Variants in KDM4C observed in about 807,000 individuals in gnomAD.
KDM4C encodes the protein lysine-specific demethylase 4C.
Under a neutral mutation model 129.3 loss-of-function variants are expected in KDM4C, and 81 were observed. That is an observed-to-expected ratio of 0.63 (90% CI 0.52 to 0.75). The LOEUF (loss-of-function observed/expected upper bound fraction) is 0.75, where lower values mean the gene tolerates loss of function less well. Ranked by LOEUF, KDM4C falls within the 30% of genes least tolerant of loss-of-function variation. KDM4C has a pLI of 0.00. For missense variants in KDM4C, 1,457 were observed against 1,304.0 expected, an observed-to-expected ratio of 1.12 and a Z score of -1.81; for synonymous variants, 573 against 456.1, an observed-to-expected ratio of 1.26 and a Z score of -3.26.
At chr9:6,918,524 G>A (rs1039874742) in intron 8 of KDM4C, among the ~76,000 whole-genome samples, 1 of 152,044 alleles carries the variant, frequency 6.6e-6, no homozygotes, top group East Asian at 1.9e-4. Flanking sequence ...CTTTTCTTTT[G>A]GGTATATACC....
intron 12 of KDM4C, among the ~76,000 whole-genome samples, chr9:7,002,175 G>A (rs1054023556): frequency 2.0e-5 from 3 of 152,210 alleles, no homozygotes; most frequent in Admixed American, 6.5e-5. Flanking sequence ...TTACAGGCAT[G>A]AGCCACCGCA....
At chr9:6,734,154 A>C (rs1428086726) in intron 1 of KDM4C, among the ~76,000 whole-genome samples, 4 of 152,158 alleles carry the variant, frequency 2.6e-5, no homozygotes, top group African/African-American at 9.7e-5. Flanking sequence ...TCTGACACAC[A>C]CAACTTAACA....
intron 4 of KDM4C, among the ~76,000 whole-genome samples, chr9:6,826,199 C>T (rs1392574889): frequency 2.7e-5 from 4 of 149,154 alleles, no homozygotes; most frequent in Admixed American, 6.6e-5. Flanking sequence ...TTGCTATGCT[C>T]GTACTAGGTG....
intron 17 of KDM4C, among the ~76,000 whole-genome samples, chr9:7,101,132 C>G (rs1241311112): frequency 6.6e-6 from 1 of 152,174 alleles, no homozygotes; most frequent in Non-Finnish European, 1.5e-5. Flanking sequence ...GCTTTCTTCC[C>G]TCTGTTGTCC....
chr9:6,920,596 A>G (rs1186920261), intron 8 of KDM4C, among the ~76,000 whole-genome samples: 1 of 152,144 alleles, frequency 6.6e-6, no homozygotes, highest in Non-Finnish European at 1.5e-5. Context: ...AGAAACTTGT[A>G]TATCATCCTG....
chr9:7,170,197 A>G (rs953038868), intron 21 of KDM4C: 1 of 1,235,876 alleles, frequency 8.1e-7, no homozygotes, highest in African/African-American at 1.5e-5. Context: ...GGAGCAAACA[A>G]AGATACCATC....
intron 8 of KDM4C, chr9:6,925,531 A>T (rs1822327890): frequency 1.1e-6 from 1 of 917,654 alleles, no homozygotes; most frequent in African/African-American, 1.8e-5. Flanking sequence ...CCTGGCATCA[A>T]GCAGTCCTCC....
intron 18 of KDM4C, among the ~76,000 whole-genome samples, chr9:7,111,705 G>C (rs959108832): frequency 6.6e-6 from 1 of 152,128 alleles, no homozygotes; most frequent in Non-Finnish European, 1.5e-5. Context: ...TCAGGTTTAC[G>C]GGGGAGTCAG....
At chr9:6,746,737 G>C (rs1421901507) in intron 1 of KDM4C, among the ~76,000 whole-genome samples, 4 of 150,534 alleles carry the variant, frequency 2.7e-5, no homozygotes, top group African/African-American at 7.3e-5. Context: ...GGCCAGGCGC[G>C]GTGGCTCACG....
intron 4 of KDM4C, among the ~76,000 whole-genome samples, chr9:6,847,359 C>G (rs946113843): frequency 1.3e-5 from 2 of 151,828 alleles, no homozygotes; most frequent in African/African-American, 4.8e-5. Flanking sequence ...TGTGATTGAA[C>G]TTCTATGAGG....
At chr9:7,019,925 A>G (rs1824481652) in intron 15 of KDM4C, among the ~76,000 whole-genome samples, 1 of 151,780 alleles carries the variant, frequency 6.6e-6, no homozygotes, top group Non-Finnish European at 1.5e-5. Flanking sequence ...GCTGGAGTCA[A>G]TAATCATAGA....
intron 3 of KDM4C, among the ~76,000 whole-genome samples, chr9:6,814,249 A>G (rs888131527): frequency 2.0e-5 from 3 of 152,058 alleles, no homozygotes; most frequent in African/African-American, 7.2e-5. Flanking sequence ...TAGTGAGATT[A>G]TTGTTTGTCA....
intron 8 of KDM4C, among the ~76,000 whole-genome samples, chr9:6,909,095 A>T (rs1166630071): frequency 6.6e-6 from 1 of 152,246 alleles, no homozygotes; most frequent in East Asian, 1.9e-4. Flanking sequence ...TTTCTTTTGA[A>T]AATAAAACAA....
chr9:7,024,547 T>C (rs1825472419), intron 15 of KDM4C, among the ~76,000 whole-genome samples: 2 of 151,166 alleles, frequency 1.3e-5, no homozygotes, highest in Admixed American at 6.6e-5. Flanking sequence ...TGTGTTCTCA[T>C]TGTTCAATTC....
At chr9:6,939,056 T>A (rs769261697) in intron 8 of KDM4C, among the ~76,000 whole-genome samples, 29 of 151,596 alleles carry the variant, frequency 1.9e-4, no homozygotes, top group Non-Finnish European at 4.0e-4. Flanking sequence ...GCCACAGATC[T>A]CCTGCTGTGT....
chr9:6,916,609 C>A (rs1198344539), intron 8 of KDM4C, among the ~76,000 whole-genome samples: 1 of 152,106 alleles, frequency 6.6e-6, no homozygotes, highest in Non-Finnish European at 1.5e-5. Flanking sequence ...AATTCTTTTT[C>A]TTTATCCAGC....
intron 8 of KDM4C, among the ~76,000 whole-genome samples, chr9:6,961,690 A>C (rs1830080639): frequency 2.6e-5 from 4 of 152,230 alleles, no homozygotes; most frequent in Admixed American, 2.6e-4. Context: ...TGTAATATAC[A>C]AGGTAAGGGT....
intron 17 of KDM4C, among the ~76,000 whole-genome samples, chr9:7,074,891 A>G (rs1833712243): frequency 5.3e-5 from 8 of 152,168 alleles, no homozygotes; most frequent in Admixed American, 5.2e-4. Context: ...TATGTATTCT[A>G]TTTGAATACA....
intron 15 of KDM4C, among the ~76,000 whole-genome samples, chr9:7,022,426 A>G (rs1825030057): frequency 6.6e-6 from 1 of 152,002 alleles, no homozygotes; most frequent in Non-Finnish European, 1.5e-5. Context: ...TGTAAATGGG[A>G]TTACTTTCTT....
Sources: gnomAD v4.1 joint callset for allele counts (sites outside exome capture counted in the v4.1 genomes callset) on GRCh38, gnomAD v4.1.1 for gene constraint, MANE v1.5 for transcripts, NCBI Gene and HGNC (gene_info 2026-07-23, HGNC 2026-07-21) for gene names.